The following ATP8A2 variants were observed in gnomAD, a reference collection of about 807,000 sequenced individuals.
The protein encoded by ATP8A2 is phospholipid-transporting ATPase IB.
Under a neutral mutation model 165.6 loss-of-function variants are expected in ATP8A2, and 100 were observed. The observed-to-expected ratio is 0.60, with a 90% CI of 0.51 to 0.71. The LOEUF (loss-of-function observed/expected upper bound fraction) is 0.71. Among genes scored for constraint, ATP8A2 ranks in the 30% least tolerant of loss-of-function variants. The pLI is 0.00. For missense variants in ATP8A2, 1,227 were observed against 1,479.5 expected, an observed-to-expected ratio of 0.83 and a Z score of 2.80; for synonymous variants, 543 against 548.8, an observed-to-expected ratio of 0.99 and a Z score of 0.15.
intron 25 of ATP8A2, among the ~76,000 whole-genome samples, chr13:25,738,538 G>A (rs746119698): frequency 2.6e-5 from 4 of 152,218 alleles, no homozygotes; most frequent in Admixed American, 6.5e-5. Context: ...AGGGAACACA[G>A]GAAGCAGAGA....
At chr13:25,957,188 A>G (rs1394459817) in intron 33 of ATP8A2, among the ~76,000 whole-genome samples, 3 of 152,232 alleles carry the variant, frequency 2.0e-5, no homozygotes, top group Non-Finnish European at 4.4e-5. Flanking sequence ...AACCTAGGCA[A>G]TGCCATTCAA....
chr13:25,446,730 A>G (rs1357368272), intron 1 of ATP8A2, among the ~76,000 whole-genome samples: 2 of 152,240 alleles, frequency 1.3e-5, no homozygotes, highest in African/African-American at 2.4e-5. Context: ...AAATCTGGCT[A>G]TAGCTGAACA....
intron 6 of ATP8A2, among the ~76,000 whole-genome samples, chr13:25,537,062 T>G (rs2038309472): frequency 6.6e-6 from 1 of 152,204 alleles, no homozygotes; most frequent in African/African-American, 2.4e-5. Flanking sequence ...CCCTAGTGCT[T>G]TCTGCGATGT....
chr13:25,485,915 C>T (rs2036337365), intron 2 of ATP8A2, among the ~76,000 whole-genome samples: 1 of 151,326 alleles, frequency 6.6e-6, no homozygotes, highest in African/African-American at 2.4e-5. Context: ...CTTATTTCAC[C>T]AATTGACAAC....
intron 27 of ATP8A2, among the ~76,000 whole-genome samples, chr13:25,806,299 A>G (rs1391240681): frequency 1.3e-5 from 2 of 152,108 alleles, no homozygotes; most frequent in African/African-American, 2.4e-5. Flanking sequence ...ACATATATAC[A>G]GAAGATGGCA....
intron 16 of ATP8A2, among the ~76,000 whole-genome samples, chr13:25,565,901 C>T (rs962103599): frequency 6.6e-6 from 1 of 150,842 alleles, no homozygotes; most frequent in Non-Finnish European, 1.5e-5. Context: ...ATTCAATGAT[C>T]AAAACATTTC....
chr13:25,763,677 G>A (rs1201911899), intron 25 of ATP8A2, among the ~76,000 whole-genome samples: 1 of 152,112 alleles, frequency 6.6e-6, no homozygotes, highest in African/African-American at 2.4e-5. Flanking sequence ...TAGAATTTAG[G>A]GCTACAATGA....
intron 33 of ATP8A2, among the ~76,000 whole-genome samples, chr13:25,864,462 G>A (rs145748570): frequency 4.0e-4 from 61 of 152,180 alleles, no homozygotes; most frequent in Non-Finnish European, 7.4e-4. Flanking sequence ...CTAAGGTGCC[G>A]ACATTTTCAC....
chr13:25,750,028 A>G lies in ATP8A2; in HGVS notation c.2385-19018A>G, dbSNP rs2044120850. On this transcript the variant is annotated intron_variant, in intron 25 of 36. Coordinates refer to ENST00000381655, the MANE Select transcript of ATP8A2 (RefSeq NM_016529.6). This position sits in a 1 kb window ranked among gnomAD's most constrained non-coding sequence, Gnocchi z 4.3. ...AAAACAAAACAAAACAAAAAAACGAAGAAGAAGAATTATTTGCATGTATGT... is the reference window on the plus strand; with the variant it reads ...AAAACAAAACAAAACAAAAAAACGAGGAAGAAGAATTATTTGCATGTATGT... 6.6e-6 allele frequency among the ~76,000 whole-genome samples: 1 copy of G among 152,182 alleles called. No homozygotes were observed. The highest frequency in any genetic ancestry group is 1.5e-5 in the Non-Finnish European group (1 of 68,010).
At position 25,679,637 on chromosome 13, in the gene ATP8A2, C is replaced by T. The variant is rs556953722; in HGVS notation, c.2212-19536C>T. ...TATACCATAGACACCTGAACATAAG[C>T]TAAATGTCTACTAGCACACAGTAAA... On this transcript the variant is annotated intron_variant, in intron 24 of 36. Transcript: ENST00000381655. 2.0e-5 allele frequency among the ~76,000 whole-genome samples: 3 copies of T among 152,230 alleles called. No homozygotes were observed. The South Asian group carries it at 6.2e-4, about 32-fold the overall frequency.
chr13:25,664,025 A>G lies in ATP8A2; in HGVS notation c.2212-35148A>G, dbSNP rs146387313. Among the ~76,000 whole-genome samples, 768 of 152,106 alleles carry G rather than the reference A, an allele frequency of 5.0e-3. 3 individuals are homozygous for G. Among genetic ancestry groups the G allele is most frequent in the African/African-American group, 0.017 (704 of 41,486 alleles). On this transcript the variant is annotated intron_variant, in intron 24 of 36. Transcript: ENST00000381655. Reference sequence around the variant, plus strand: ...GGAGTTTGAGACCAGCCTGGGCAACATGATGGAACCCCGTCTCTACAAAAA... The same window carrying G: ...GGAGTTTGAGACCAGCCTGGGCAACGTGATGGAACCCCGTCTCTACAAAAA...
intron 33 of ATP8A2, among the ~76,000 whole-genome samples, chr13:25,922,463 G>C (rs1405390905): frequency 6.6e-6 from 1 of 152,194 alleles, no homozygotes; most frequent in Non-Finnish European, 1.5e-5. Flanking sequence ...GAAGGAAGTT[G>C]ACAACTATCA....
chr13:25,726,061 G>A (rs1044714285), intron 25 of ATP8A2, among the ~76,000 whole-genome samples: 3 of 152,174 alleles, frequency 2.0e-5, no homozygotes, highest in African/African-American at 7.2e-5. Context: ...AGAAGAAAAC[G>A]AAGGTGAAAT....
At chr13:25,707,666 G>C (rs2043081066) in intron 25 of ATP8A2, among the ~76,000 whole-genome samples, 1 of 152,220 alleles carries the variant, frequency 6.6e-6, no homozygotes, top group South Asian at 2.1e-4. Context: ...AATGAGGATT[G>C]ATCTATAATA....
intron 33 of ATP8A2, among the ~76,000 whole-genome samples, chr13:25,910,406 G>C (rs1954067850): frequency 6.6e-6 from 1 of 152,190 alleles, no homozygotes; most frequent in Non-Finnish European, 1.5e-5. Context: ...AATGTAAAGA[G>C]AAGACTCATT....
chr13:25,522,918 G>A (rs1277058926), intron 2 of ATP8A2, among the ~76,000 whole-genome samples: 1 of 152,114 alleles, frequency 6.6e-6, no homozygotes, highest in Non-Finnish European at 1.5e-5. Flanking sequence ...GAGATCAGGA[G>A]TTCAAGACCA....
At chr13:25,388,616 T>A (rs903256743) in intron 1 of ATP8A2, among the ~76,000 whole-genome samples, 1 of 152,182 alleles carries the variant, frequency 6.6e-6, no homozygotes, top group East Asian at 1.9e-4. Context: ...AATCTATAGA[T>A]AACATAACCG....
chr13:25,453,974 G>A (rs888252817), intron 1 of ATP8A2, among the ~76,000 whole-genome samples: 1 of 152,152 alleles, frequency 6.6e-6, no homozygotes, highest in Non-Finnish European at 1.5e-5. Context: ...AGTGGGGAGG[G>A]CTGTGGCGGG....
intron 2 of ATP8A2, among the ~76,000 whole-genome samples, chr13:25,494,657 A>C (rs954171759): frequency 2.0e-5 from 3 of 152,234 alleles, no homozygotes; most frequent in African/African-American, 7.2e-5. Flanking sequence ...CAGGGCCTTC[A>C]TCTGTGTTTA....
Sources: allele counts gnomAD v4.1 joint callset (sites outside exome capture counted in the v4.1 genomes callset), GRCh38; gene constraint gnomAD v4.1.1; non-coding constraint Gnocchi (gnomAD v3.1); transcripts MANE v1.5; gene names NCBI Gene and HGNC (gene_info 2026-07-23, HGNC 2026-07-21).